PKNOX2: variants seen among roughly 807,000 people sequenced by gnomAD.
The protein encoded by PKNOX2 is PBX/knotted 1 homeobox 2, also known as homeobox protein PKNOX2.
PKNOX2 carries 14 observed loss-of-function variants against 53.1 expected under a neutral mutation model. The observed-to-expected ratio is 0.26, with a 90% CI of 0.17 to 0.41. PKNOX2 has a LOEUF of 0.41. Ranked by LOEUF, PKNOX2 falls within the 10% of genes least tolerant of loss-of-function variation. The pLI, the probability that PKNOX2 is intolerant of heterozygous loss-of-function variation, is 1.00. For synonymous variants in PKNOX2, 257 were observed against 242.8 expected (o/e 1.06, Z -0.54); for missense variants, 496 against 602.8 (o/e 0.82, Z 1.85).
intron 5 of PKNOX2, among the ~76,000 whole-genome samples, chr11:125,372,179 G>A (rs1360802803): frequency 2.0e-5 from 3 of 152,154 alleles, no homozygotes; most frequent in Non-Finnish European, 4.4e-5. Flanking sequence ...GCCGGCAAAC[G>A]TCTCTCGAGG....
At chr11:125,269,218 C>T (rs903297609) in intron 2 of PKNOX2, among the ~76,000 whole-genome samples, 2 of 152,150 alleles carry the variant, frequency 1.3e-5, no homozygotes, top group African/African-American at 4.8e-5. Context: ...ACCTCGATAA[C>T]GCTTGTCAGA....
At chr11:125,288,048 C>G (rs1263473045) in intron 2 of PKNOX2, 2 of 152,254 alleles carry the variant, frequency 1.3e-5, no homozygotes, top group Admixed American at 1.3e-4. Flanking sequence ...CAGGACAGCC[C>G]CTCCACCTGG....
chr11:125,170,809 G>A (rs1461928594), intron 1 of PKNOX2, among the ~76,000 whole-genome samples: 1 of 151,578 alleles, frequency 6.6e-6, no homozygotes, highest in African/African-American at 2.4e-5. Flanking sequence ...ATTTTTGGCT[G>A]GAATGTGGAG....
chr11:125,212,452 T>C (rs1939967642), intron 1 of PKNOX2, among the ~76,000 whole-genome samples: 1 of 93,034 alleles, frequency 1.1e-5, no homozygotes, highest in South Asian at 3.1e-4. Context: ...GGGGATTCTT[T>C]TTTTTTTTTT....
intron 1 of PKNOX2, among the ~76,000 whole-genome samples, chr11:125,170,222 C>T (rs1193921899): frequency 6.6e-6 from 1 of 152,162 alleles, no homozygotes; most frequent in East Asian, 1.9e-4. Context: ...TGTGTGCGCT[C>T]GTAGACTCCT....
At chr11:125,379,063 T>A (rs1953048397) in intron 5 of PKNOX2, among the ~76,000 whole-genome samples, 1 of 150,802 alleles carries the variant, frequency 6.6e-6, no homozygotes, top group Non-Finnish European at 1.5e-5. Context: ...CTCTTTTTTT[T>A]TTTTTTTTAT....
In PKNOX2 at chr11:125,165,199, G is replaced by C. The variant is rs1422163804; in HGVS notation, c.-201+423G>C. 6.6e-6 allele frequency among the ~76,000 whole-genome samples: 1 copy of C among 151,100 alleles called. No individual in the cohort carries two copies. Among genetic ancestry groups the C allele is most frequent in the Non-Finnish European group, 1.5e-5 (1 of 67,756 alleles). On this transcript the variant is annotated intron_variant, in intron 1 of 12. Coordinates refer to ENST00000298282, the MANE Select transcript of PKNOX2 (RefSeq NM_001382323.2). The surrounding 1 kb of genome is among the most constrained non-coding windows in gnomAD (Gnocchi z 4.5). ...CGCGCTTGGGCCCGTGGCCGGCCGCGCATTGTCCTCGGGTGCAAGGAGCCG... is the reference window on the plus strand; with the variant it reads ...CGCGCTTGGGCCCGTGGCCGGCCGCCCATTGTCCTCGGGTGCAAGGAGCCG...
intron 2 of PKNOX2, among the ~76,000 whole-genome samples, chr11:125,265,220 G>A (rs1945225484): frequency 6.6e-6 from 1 of 151,936 alleles, no homozygotes; most frequent in Admixed American, 6.5e-5. Flanking sequence ...CCAGGAAGTG[G>A]AGCTTGCAGT....
At chr11:125,417,765 G>C (rs945341831) in intron 10 of PKNOX2, among the ~76,000 whole-genome samples, 1 of 151,928 alleles carries the variant, frequency 6.6e-6, no homozygotes, top group Non-Finnish European at 1.5e-5. Flanking sequence ...GTCCAGTCCC[G>C]GTCTTCAGAC....
chr11:125,212,449 CTTTTTTTTT>C (rs796083611), intron 1 of PKNOX2, among the ~76,000 whole-genome samples: 6 of 105,394 alleles, frequency 5.7e-5, no homozygotes, highest in Admixed American at 1.0e-4. Context: ...GGAGGGGATT[CTTTTTTTTT>C]TTTTTTTTTT....
intron 10 of PKNOX2, 67 bp downstream of exon 10, chr11:125,411,932 C>T (rs1955575919): frequency 1.3e-6 from 2 of 1,599,658 alleles, no homozygotes. Context: ...CGTGTGGGTA[C>T]CAGACTCTGC....
intron 2 of PKNOX2, among the ~76,000 whole-genome samples, chr11:125,315,476 G>C (rs1648503): frequency 1.5e-3 from 229 of 152,296 alleles, no homozygotes; most frequent in Admixed American, 0.013. Context: ...CCAGTGCAGA[G>C]AGGCCTTCTC....
intron 2 of PKNOX2, among the ~76,000 whole-genome samples, chr11:125,301,391 G>T (rs1948056824): frequency 6.6e-6 from 1 of 151,910 alleles, no homozygotes; most frequent in Non-Finnish European, 1.5e-5. Context: ...GGCCTCCCAA[G>T]CAGGGTAGAC....
At chr11:125,228,218 T>A (rs1403213949) in intron 1 of PKNOX2, among the ~76,000 whole-genome samples, 1 of 152,262 alleles carries the variant, frequency 6.6e-6, no homozygotes, top group Non-Finnish European at 1.5e-5. Context: ...ACTAGCTACA[T>A]GTGCTGTTGA....
intron 5 of PKNOX2, among the ~76,000 whole-genome samples, chr11:125,383,774 G>T (rs923251495): frequency 6.6e-6 from 1 of 152,190 alleles, no homozygotes; most frequent in African/African-American, 2.4e-5. Context: ...GGGGTTAGTG[G>T]CTGCCATATG....
At chr11:125,397,270 G>A (rs7119403) in intron 6 of PKNOX2, among the ~76,000 whole-genome samples, 42,886 of 152,052 alleles carry the variant, frequency 0.28, 6,531 homozygotes, top group African/African-American at 0.4. Flanking sequence ...TCCACAGAGC[G>A]TCCACAAGGT....
chr11:125,178,632 A>AAG (rs1955904622), intron 1 of PKNOX2, among the ~76,000 whole-genome samples: 1 of 89,150 alleles, frequency 1.1e-5, no homozygotes, highest in South Asian at 4.1e-4. Flanking sequence ...GAAAGAAAGA[A>AAG]AGAAAGAAAG....
chr11:125,186,067 G>T (rs1956431571), intron 1 of PKNOX2, among the ~76,000 whole-genome samples: 1 of 151,042 alleles, frequency 6.6e-6, no homozygotes, highest in Non-Finnish European at 1.5e-5. Flanking sequence ...TTTAATTGTA[G>T]CCATTATAGT....
Position 125,289,898 on chromosome 11 carries a change from T to C in PKNOX2, c.-129-41921T>C, listed in dbSNP as rs1052515934. Among the ~76,000 whole-genome samples the C allele has an allele frequency of 3.3e-5, 5 of 152,288 alleles. No homozygotes were observed. In the East Asian group the frequency reaches 5.8e-4, roughly 18 times the overall value. On this transcript the variant is annotated intron_variant, in intron 2 of 12. Transcript: ENST00000298282. ...GGCTTCATCCGTTGCCCAATAACTG[T>C]TAATCAGCCCGCAGCAGCAGCACCA...
Sources: allele counts gnomAD v4.1 joint callset (sites outside exome capture counted in the v4.1 genomes callset), GRCh38; gene constraint gnomAD v4.1.1; non-coding constraint Gnocchi (gnomAD v3.1); transcripts MANE v1.5; gene names NCBI Gene and HGNC (gene_info 2026-07-23, HGNC 2026-07-21).